AQP1: variants seen among roughly 807,000 people sequenced by gnomAD.
The protein encoded by AQP1 is aquaporin-1.
AQP1 carries 11 observed loss-of-function variants against 19.7 expected under a neutral mutation model. That is an observed-to-expected ratio of 0.56 (90% confidence interval 0.35 to 0.92). AQP1 has a LOEUF of 0.92. AQP1 is among the 40% of genes least tolerant of loss of function. The pLI, the probability that AQP1 is intolerant of heterozygous loss-of-function variation, is 0.01. For missense variants in AQP1, 320 were observed against 369.7 expected (o/e 0.87, Z 1.10); for synonymous variants, 159 against 166.7 (o/e 0.95, Z 0.36).
At position 30,912,463 on chromosome 7, in the gene AQP1, T is replaced by C. The variant is rs917973078; in HGVS notation, c.384+170T>C. ...AAGAGCTGGGGCTGGAACTCAGCTA[T>C]GCATGCCTCCCAAAGCCTGTTTTCT... On this transcript the variant is annotated intron_variant, in intron 1 of 3. Transcript: ENST00000311813. The surrounding 1 kb of genome is among the most constrained non-coding windows in gnomAD (Gnocchi z 4.3). Among the ~76,000 whole-genome samples the C allele has an allele frequency of 5.3e-5, 8 of 152,158 alleles. No homozygotes were observed. The highest frequency in any genetic ancestry group is 1.0e-4 in the Non-Finnish European group (7 of 68,026).
intron 2 of AQP1, 115 bp downstream of exon 2, chr7:30,922,345 G>A (rs1268944777): frequency 1.4e-6 from 2 of 1,454,420 alleles, no homozygotes; most frequent in Non-Finnish European, 1.9e-6. Flanking sequence ...ATTGGGTGGA[G>A]GATGGCGGGT....
intron 1 of AQP1, among the ~76,000 whole-genome samples, chr7:30,920,671 C>T (rs1040945451): frequency 2.0e-5 from 3 of 152,226 alleles, no homozygotes; most frequent in Non-Finnish European, 4.4e-5. Context: ...AGGCCATGCT[C>T]ATGGTGCCAG....
intron 1 of AQP1, among the ~76,000 whole-genome samples, chr7:30,919,556 C>CTTTTTTT (rs138132377): frequency 7.2e-6 from 1 of 138,658 alleles, no homozygotes. Flanking sequence ...CTGATTCTTA[C>CTTTTTTT]TTTTTTTTTT....
Position 30,912,364 on chromosome 7 carries a change from C to G in AQP1, c.384+71C>G, listed in dbSNP as rs1791189824. 1 of 1,559,448 alleles carries G rather than the reference C, an allele frequency of 6.4e-7. No homozygotes were observed. The highest frequency in any genetic ancestry group is 1.3e-5 in the African/African-American group (1 of 74,474). On this transcript the variant is annotated intron_variant, in intron 1 of 3. Transcript: ENST00000311813. The surrounding 1 kb of genome is among the most constrained non-coding windows in gnomAD (Gnocchi z 4.3). ...GAAAGGCACTGGTTCCATCCTCTGC[C>G]CATTGTGCAGATGGGGACACTGAGG...
At chr7:30,922,731 G>A (rs1339500639) in intron 3 of AQP1, 87 bp downstream of exon 3, 1 of 1,305,968 alleles carries the variant, frequency 7.7e-7, no homozygotes, top group Non-Finnish European at 1.1e-6. Context: ...TTCCTGTTCT[G>A]GAGGCTCTGG....
intron 1 of AQP1, among the ~76,000 whole-genome samples, chr7:30,917,615 G>C (rs1468134505): frequency 6.6e-6 from 1 of 152,150 alleles, no homozygotes; most frequent in East Asian, 1.9e-4. Flanking sequence ...CAAACACACA[G>C]CACAGCCTCC....
rs1417024988 is a variant in AQP1, at chr7:30,923,680, G to A, written c.*51G>A. 1 of 1,344,394 alleles carries A rather than the reference G, an allele frequency of 7.4e-7. No homozygotes were observed. The highest frequency in any genetic ancestry group is 2.3e-5 in the Admixed American group (1 of 43,260). The allele number at this position is 1,344,394 out of a possible 1,614,324, so 83.3% of individuals were successfully genotyped here. ...TAGGGGGCAGGGGCAGGGGCGGGCG[G>A]AGGGAGGGGAGGGGTGAAATCCATA... On this transcript the variant is annotated 3_prime_UTR_variant, in exon 4 of 4. Transcript: ENST00000311813. The surrounding 1 kb of genome is among the most constrained non-coding windows in gnomAD (Gnocchi z 4.8).
rs1333547669 is a variant in AQP1 at position 30,911,951 on chromosome 7, G to A, written c.42G>A (p.Val14=). 6.2e-7 allele frequency: 1 copy of A among 1,613,358 alleles called. No homozygotes were observed. Among genetic ancestry groups the A allele is most frequent in the Admixed American group, 1.7e-5 (1 of 60,008 alleles). The change falls in exon 1 of 4, where the codon GTG becomes GTA. Residue 14 remains valine, a synonymous_variant. Transcript: ENST00000311813. ...AGAAGAAGCTCTTCTGGAGGGCAGTGGTGGCCGAGTTCCTGGCCACGACCC... is the reference window on the plus strand; with the variant it reads ...AGAAGAAGCTCTTCTGGAGGGCAGTAGTGGCCGAGTTCCTGGCCACGACCC... The part of the protein sequence containing the change: ...EFKKKLFWRA[V]VAEFLATTLF...
At chr7:30,914,390 C>T (rs924663347) in intron 1 of AQP1, among the ~76,000 whole-genome samples, 1 of 152,344 alleles carries the variant, frequency 6.6e-6, no homozygotes, top group East Asian at 1.9e-4. Flanking sequence ...CAGCTCACTT[C>T]ATTGCTTTGA....
At chr7:30,917,611 C>CA (rs1187799079) in intron 1 of AQP1, among the ~76,000 whole-genome samples, 2 of 152,172 alleles carry the variant, frequency 1.3e-5, no homozygotes, top group African/African-American at 4.8e-5. Context: ...AGTGCAAACA[C>CA]ACAGCACAGC....
intron 3 of AQP1, 53 bp downstream of exon 3, chr7:30,922,697 C>G: frequency 6.6e-7 from 1 of 1,513,722 alleles, no homozygotes; most frequent in Non-Finnish European, 9.2e-7. Flanking sequence ...CATGGTAAGC[C>G]TGACCCCACC....
intron 2 of AQP1, 122 bp downstream of exon 2, chr7:30,922,352 G>A (rs982747143): frequency 2.5e-5 from 36 of 1,435,682 alleles, no homozygotes; most frequent in East Asian, 4.9e-5. Flanking sequence ...GGAGGATGGC[G>A]GGTCAGCGCT....
intron 1 of AQP1, among the ~76,000 whole-genome samples, chr7:30,919,232 G>A (rs1407566449): frequency 6.6e-6 from 1 of 152,206 alleles, no homozygotes; most frequent in African/African-American, 2.4e-5. Flanking sequence ...AGGCCAGGAG[G>A]AGATGCACCC....
rs1245877322 is a variant in AQP1 at position 30,923,396 on chromosome 7, G to A, written c.631-54G>A. ...TGGGCTGTGGGGTAACCTAGGGAAC[G>A]CTTCCCAGGGGCTTTTGAGTGGAGC... On this transcript the variant is annotated intron_variant, in intron 3 of 3. Transcript: ENST00000311813. The surrounding 1 kb of genome is among the most constrained non-coding windows in gnomAD (Gnocchi z 4.8). 6 of 1,611,758 alleles carry A rather than the reference G, an allele frequency of 3.7e-6. No homozygotes were observed. The highest frequency in any genetic ancestry group is 1.7e-5 in the Admixed American group (1 of 59,930).
At chr7:30,920,015 C>T (rs1225906619) in intron 1 of AQP1, among the ~76,000 whole-genome samples, 1 of 152,142 alleles carries the variant, frequency 6.6e-6, no homozygotes. Context: ...ACTCAGAGTA[C>T]AGGGCCTGGA....
rs370950952 is a variant in AQP1 at position 30,912,318 on chromosome 7, G to A, written c.384+25G>A. The A allele has an allele frequency of 2.5e-6, 4 of 1,595,430 alleles. No individual in the cohort carries two copies. Among genetic ancestry groups the A allele is most frequent in the Admixed American group, 3.3e-5 (2 of 59,940 alleles). ...CGTGAGTGGGGTGTCCCTGGGCTTG[G>A]GGGGGTTCTAGAATGATGCTGAAAG... On this transcript the variant is annotated intron_variant, in intron 1 of 3. Transcript: ENST00000311813. The surrounding 1 kb of genome is among the most constrained non-coding windows in gnomAD (Gnocchi z 4.3).
chr7:30,919,995 C>T (rs1319880156), intron 1 of AQP1, among the ~76,000 whole-genome samples: 1 of 152,194 alleles, frequency 6.6e-6, no homozygotes, highest in Non-Finnish European at 1.5e-5. Flanking sequence ...GACCCCTCCC[C>T]TTCCCAAGGA....
In AQP1 at chr7:30,911,998, G is replaced by A; in HGVS notation, c.89G>A (p.Gly30Asp). 3 of 1,613,636 alleles carry A rather than the reference G, an allele frequency of 1.9e-6. No individual in the cohort carries two copies. Among genetic ancestry groups the A allele is most frequent in the Non-Finnish European group, 8.5e-7 (1 of 1,180,038 alleles). ...ACCCTCTTTGTCTTCATCAGCATCG[G>A]TTCTGCCCTGGGCTTCAAATACCCG... The part of the protein sequence containing the change: ...ATTLFVFISI[G>D]SALGFKYPVG... The change falls in exon 1 of 4, where the codon GGT becomes GAT. Residue 30 changes from glycine to aspartate, a missense_variant. Transcript: ENST00000311813.
intron 2 of AQP1, 75 bp downstream of exon 2, chr7:30,922,305 G>A: frequency 6.6e-7 from 1 of 1,512,924 alleles, no homozygotes. Context: ...GCCATGGGCA[G>A]CCAGTGGGAC....
Sources: allele counts gnomAD v4.1 joint callset (sites outside exome capture counted in the v4.1 genomes callset), GRCh38; gene constraint gnomAD v4.1.1; non-coding constraint Gnocchi (gnomAD v3.1); transcripts MANE v1.5; gene names NCBI Gene and HGNC (gene_info 2026-07-23, HGNC 2026-07-21).